IGF2R: variants seen among roughly 807,000 people sequenced by gnomAD.
IGF2R encodes cation-independent mannose-6-phosphate receptor.
IGF2R carries 91 observed loss-of-function variants against 270.6 expected under a neutral mutation model. The observed-to-expected ratio is 0.34, with a 90% CI of 0.28 to 0.40. The LOEUF (loss-of-function observed/expected upper bound fraction) is 0.40. Among genes scored for constraint, IGF2R ranks in the 10% least tolerant of loss-of-function variants. The pLI, the probability that IGF2R is intolerant of heterozygous loss-of-function variation, is 1.00. For missense variants in IGF2R, 2,805 were observed against 3,188.3 expected (o/e 0.88, Z 2.90); for synonymous variants, 1,316 against 1,258.9 (o/e 1.05, Z -0.96).
intron 7 of IGF2R, among the ~76,000 whole-genome samples, chr6:160,031,414 T>C (rs762893218): frequency 6.6e-6 from 1 of 152,134 alleles, no homozygotes; most frequent in African/African-American, 2.4e-5. Flanking sequence ...GCAACCATCA[T>C]CACAATCTAA....
chr6:160,060,351 A>C (rs1043119275), intron 22 of IGF2R, among the ~76,000 whole-genome samples, 196 bp from the exon 23 acceptor site: 4 of 152,252 alleles, frequency 2.6e-5, no homozygotes, highest in South Asian at 2.1e-4. Flanking sequence ...GTCATAGGCC[A>C]CTGTTGTAGC....
At chr6:160,085,318 T>C (rs1216431114) in intron 41 of IGF2R, among the ~76,000 whole-genome samples, 187 bp downstream of exon 41, 2 of 152,112 alleles carry the variant, frequency 1.3e-5, no homozygotes, top group Non-Finnish European at 2.9e-5. Flanking sequence ...TGCTTTGTAT[T>C]ATATGAGACT....
chr6:160,024,446 T>G, intron 4 of IGF2R, 126 bp from the exon 5 acceptor site: 1 of 884,010 alleles, frequency 1.1e-6, no homozygotes, highest in Non-Finnish European at 1.8e-6. Context: ...GAGTTCGTTA[T>G]TAGGGGACAC....
chr6:160,091,159 T>C (rs1175681852), intron 44 of IGF2R, among the ~76,000 whole-genome samples: 4 of 122,176 alleles, frequency 3.3e-5, no homozygotes, highest in African/African-American at 1.3e-4. Context: ...GCTGAGCACA[T>C]CGCCGAGAAG....
intron 25 of IGF2R, among the ~76,000 whole-genome samples, chr6:160,062,330 C>T (rs745363400): frequency 5.3e-5 from 8 of 151,928 alleles, no homozygotes; most frequent in Non-Finnish European, 1.0e-4. Context: ...CCTGCCACCA[C>T]GCCCAGCTAA....
intron 7 of IGF2R, among the ~76,000 whole-genome samples, chr6:160,031,951 C>T (rs1245139437): frequency 1.3e-5 from 2 of 152,142 alleles, no homozygotes; most frequent in African/African-American, 4.8e-5. Context: ...GGAGCTCCTG[C>T]TCTGTAGAAG....
chr6:159,980,226 A>AGAAG (rs1562330635), intron 1 of IGF2R, among the ~76,000 whole-genome samples: 2 of 120,530 alleles, frequency 1.7e-5, no homozygotes, highest in African/African-American at 6.7e-5. Flanking sequence ...AAAGAAAGAA[A>AGAAG]GAAAGAAAGA....
At position 160,030,822 on chromosome 6, in the gene IGF2R, GT is replaced by G. The variant is rs554469035; in HGVS notation, c.882+1185del. ...ATTAGTGGAGCAAGAAGTTCCCTCT[GT>G]TTTTTTTTTTTTTTTTTAAAGACAG... On this transcript the variant is annotated intron_variant, in intron 7 of 47. Coordinates refer to ENST00000356956, the MANE Select transcript of IGF2R (RefSeq NM_000876.4). Among the ~76,000 whole-genome samples the G allele has an allele frequency of 9.3e-3, 1,249 of 133,606 alleles. 3 individuals carry two copies. Among genetic ancestry groups the G allele is most frequent in the Non-Finnish European group, 0.015 (924 of 61,430 alleles). 87.7% of individuals were successfully genotyped at this position (133,606 alleles called of 152,430 possible).
intron 1 of IGF2R, among the ~76,000 whole-genome samples, chr6:159,970,174 G>C (rs1465909133): frequency 6.6e-6 from 1 of 152,040 alleles, no homozygotes; most frequent in Non-Finnish European, 1.5e-5. Context: ...TGTTCACCTC[G>C]CGCAACTGCT....
At chr6:160,024,927 G>A (rs1361417586) in intron 5 of IGF2R, among the ~76,000 whole-genome samples, 2 of 152,014 alleles carry the variant, frequency 1.3e-5, no homozygotes, top group Non-Finnish European at 1.5e-5. Context: ...CATCCTAACT[G>A]TTGATCCATT....
chr6:159,999,025 A>C (rs1354251787), intron 2 of IGF2R, among the ~76,000 whole-genome samples: 1 of 152,208 alleles, frequency 6.6e-6, no homozygotes, highest in Non-Finnish European at 1.5e-5. Context: ...CTGCCCCCGA[A>C]GTCCAAGGAA....
In IGF2R at chr6:159,975,684, T is replaced by TTTATA. The variant is rs372803317; in HGVS notation, c.149+6290_149+6291insTATAT. The stretch of plus-strand genomic sequence containing the variant: ...AAACCCATACATGTATTATATATAT[T>TTTATA]TATATATATATATATATAAAGTATA... On this transcript the variant is annotated intron_variant, in intron 1 of 47. Transcript: ENST00000356956. Among the ~76,000 whole-genome samples, 1,346 of 141,698 alleles carry TTTATA rather than the reference T, an allele frequency of 9.5e-3. 22 individuals carry two copies. Among genetic ancestry groups the TTTATA allele is most frequent in the African/African-American group, 0.034 (1,305 of 37,970 alleles). 93.0% of individuals were successfully genotyped at this position (141,698 alleles called of 152,430 possible).
At chr6:160,057,439 A>G (rs1401807543) in intron 20 of IGF2R, among the ~76,000 whole-genome samples, 1 of 152,202 alleles carries the variant, frequency 6.6e-6, no homozygotes, top group East Asian at 1.9e-4. Context: ...TTCCAAACCA[A>G]CGGCCCCAGC....
At chr6:160,062,504 C>A (rs1403043256) in intron 25 of IGF2R, 28 bp from the exon 26 acceptor site, 8 of 1,553,568 alleles carry the variant, frequency 5.1e-6, no homozygotes, top group Non-Finnish European at 7.1e-6. Flanking sequence ...AAACAGGAAA[C>A]AAATCAGGCT....
At chr6:160,001,291 GATCTAGGTTGTGACCCCTTATGAGA>G (rs1297348247) in intron 2 of IGF2R, among the ~76,000 whole-genome samples, 2 of 152,002 alleles carry the variant, frequency 1.3e-5, no homozygotes, top group African/African-American at 4.8e-5. Flanking sequence ...ACATGCAAGG[GATCTAGGTTGTGACCCCTTATGAGA>G]ATCTAGTGCC....
At chr6:159,980,231 G>GAAAGAAAGAAAAGAAAAGA (rs1783774192) in intron 1 of IGF2R, among the ~76,000 whole-genome samples, 1 of 114,426 alleles carries the variant, frequency 8.7e-6, no homozygotes, top group Non-Finnish European at 2.0e-5. Context: ...AAGAAAGAAA[G>GAAAGAAAGAAAAGAAAAGA]AAAGAAAGGT....
intron 18 of IGF2R, among the ~76,000 whole-genome samples, chr6:160,049,872 G>A (rs887226838): frequency 6.6e-6 from 1 of 152,166 alleles, no homozygotes; most frequent in Non-Finnish European, 1.5e-5. Flanking sequence ...GATTACAGCC[G>A]AGAAAGAGTT....
intron 1 of IGF2R, among the ~76,000 whole-genome samples, chr6:159,980,215 G>GA (rs966480836): frequency 5.7e-5 from 5 of 87,972 alleles, no homozygotes; most frequent in Middle Eastern, 5.7e-3. Context: ...AAGAAAGAAA[G>GA]AAAGAAAGAA....
In IGF2R at chr6:160,072,049, G is replaced by A. The variant is rs1432695543; in HGVS notation, c.4570+13G>A. ...AACCCAAGCACAGGTGAGAGGTGGTGCCAGTCGTTAACCCCAGCGCAGGTG... is the reference window on the plus strand; with the variant it reads ...AACCCAAGCACAGGTGAGAGGTGGTACCAGTCGTTAACCCCAGCGCAGGTG... On this transcript the variant is annotated intron_variant, in intron 32 of 47. Transcript: ENST00000356956. 3 of 1,614,006 alleles carry A rather than the reference G, an allele frequency of 1.9e-6. No individual in the cohort carries two copies. Among genetic ancestry groups the A allele is most frequent in the South Asian group, 1.1e-5 (1 of 91,076 alleles).
Sources: gnomAD v4.1 joint callset for allele counts (sites outside exome capture counted in the v4.1 genomes callset) on GRCh38, gnomAD v4.1.1 for gene constraint, MANE v1.5 for transcripts, NCBI Gene and HGNC (gene_info 2026-07-23, HGNC 2026-07-21) for gene names.